CFTR: variants seen among roughly 807,000 people sequenced by gnomAD.
CFTR encodes the protein cystic fibrosis transmembrane conductance regulator.
A neutral mutation model predicts 171.6 loss-of-function variants in CFTR; 181 were observed. The observed-to-expected ratio is 1.05, with a 90% confidence interval of 0.93 to 1.19. CFTR has a LOEUF of 1.19. CFTR is among the 50% of genes most tolerant of loss of function. CFTR has a pLI of 0.00. For synonymous variants in CFTR, 583 were observed against 608.0 expected (o/e 0.96, Z 0.60); for missense variants, 1,968 against 1,734.7 (o/e 1.13, Z -2.39).
At chr7:117,519,000 C>T (rs1298158184) in intron 3 of CFTR, among the ~76,000 whole-genome samples, 2 of 152,012 alleles carry the variant, frequency 1.3e-5, no homozygotes, top group African/African-American at 4.8e-5. Context: ...AATCCAGGGG[C>T]TTTTTCTTAT....
At chr7:117,615,225 T>C (rs374517777) in intron 21 of CFTR, among the ~76,000 whole-genome samples, 138 of 152,220 alleles carry the variant, frequency 9.1e-4, no homozygotes, top group Non-Finnish European at 1.8e-3. Flanking sequence ...TGATTACTCA[T>C]TTGTCACCTA....
rs1042180 is a variant in CFTR, at chr7:117,668,359, C to T, written c.*1251C>T. On this transcript the variant is annotated 3_prime_UTR_variant, in exon 27 of 27. Coordinates refer to ENST00000003084, the MANE Select transcript of CFTR (RefSeq NM_000492.4). ...TTGACTTTTTATGGCACTAGTATTTCTATGAAATATTATGTTAAAACTGGG... is the reference window on the plus strand; with the variant it reads ...TTGACTTTTTATGGCACTAGTATTTTTATGAAATATTATGTTAAAACTGGG... 35,334 of 151,942 alleles carry T rather than the reference C, an allele frequency of 0.23. 4,425 individuals are homozygous for T. Among genetic ancestry groups the T allele is most frequent in the African/African-American group, 0.25 (10,397 of 41,414 alleles). 9.4% of individuals were successfully genotyped at this position (151,942 alleles called of 1,614,324 possible). A position where few individuals can be genotyped will look rare whatever the true frequency, so the allele number is the denominator to read the frequency against.
intron 20 of CFTR, among the ~76,000 whole-genome samples, chr7:117,612,733 T>C (rs1241480446): frequency 6.6e-6 from 1 of 152,136 alleles, no homozygotes; most frequent in Non-Finnish European, 1.5e-5. Context: ...GCCATTCGAC[T>C]CTTAAAGAAG....
At chr7:117,610,409 A>G (rs1439552052) in intron 18 of CFTR, 110 bp from the exon 19 acceptor site, 14 of 885,610 alleles carry the variant, frequency 1.6e-5, no homozygotes, top group Non-Finnish European at 2.5e-5. Context: ...AAAAAGTTTG[A>G]GGTGTTTAAA....
intron 14 of CFTR, among the ~76,000 whole-genome samples, chr7:117,594,562 T>C (rs1476013297): frequency 2.0e-5 from 3 of 152,140 alleles, no homozygotes; most frequent in African/African-American, 7.2e-5. Flanking sequence ...AAGAAACAGG[T>C]TAAATCAAAG....
At chr7:117,499,794 AAAAC>A (rs570336530) in intron 1 of CFTR, among the ~76,000 whole-genome samples, 309 of 152,092 alleles carry the variant, frequency 2.0e-3, no homozygotes, top group Non-Finnish European at 3.5e-3. Flanking sequence ...TATCTCTACA[AAAAC>A]AAACAAACAA....
rs143418331 is a variant in CFTR, at chr7:117,591,873, C to T, written c.1767-61C>T. The T allele has an allele frequency of 8.6e-4, 904 of 1,050,644 alleles. 2 individuals are homozygous for T. The highest frequency in any genetic ancestry group is 1.0e-3 in the Non-Finnish European group (721 of 720,032). The allele number at this position is 1,050,644 out of a possible 1,614,324, so 65.1% of individuals were successfully genotyped here. On this transcript the variant is annotated intron_variant, in intron 13 of 26. Transcript: ENST00000003084. ...AAAACATTAACAAAATGCTAAAATA[C>T]GAGACATATTGCAATAAAGTATTTA...
chr7:117,548,514 G>A (rs192565759), intron 9 of CFTR, 127 bp from the exon 10 acceptor site: 30 of 1,512,582 alleles, frequency 2.0e-5, no homozygotes, highest in Non-Finnish European at 2.4e-5. Context: ...TGTATACAGT[G>A]TAATGGATCA....
chr7:117,481,803 G>A (rs964943146), intron 1 of CFTR, among the ~76,000 whole-genome samples: 3 of 152,184 alleles, frequency 2.0e-5, no homozygotes, highest in African/African-American at 7.2e-5. Flanking sequence ...CATATTTTCT[G>A]CATTAAGTTA....
Position 117,603,728 on chromosome 7 carries a change from A to G in CFTR, c.2854A>G (p.Met952Val). ...AGTGTCGAAAATTTTACACCACAAAATGTTACATTCTGTTCTTCAAGCACC... is the reference window on the plus strand; with the variant it reads ...AGTGTCGAAAATTTTACACCACAAAGTGTTACATTCTGTTCTTCAAGCACC... ...ITVSKILHHK[M>V]LHSVLQAPMS... Residue 952 changes from methionine (M) to valine (V), a missense_variant, in exon 17 of 27, where the codon ATG (methionine) becomes GTG (valine). Coordinates refer to ENST00000003084, the MANE Select transcript of CFTR (RefSeq NM_000492.4). The G allele has an allele frequency of 6.2e-7, 1 of 1,614,028 alleles. No homozygotes were observed.
chr7:117,537,205 C>T (rs1434603304), intron 7 of CFTR, among the ~76,000 whole-genome samples: 2 of 152,150 alleles, frequency 1.3e-5, no homozygotes, highest in African/African-American at 4.8e-5. Flanking sequence ...GAAGTCAGTT[C>T]AAGTAATGAA....
rs1324553623 is a variant in CFTR, at chr7:117,667,470, C to T, written c.*362C>T. ...GATCAGCTTATTGTCTAGTGAAACT[C>T]GTTAATTTGTAGTGTTGGAGAAGAA... On this transcript the variant is annotated 3_prime_UTR_variant, in exon 27 of 27. Transcript: ENST00000003084. The T allele has an allele frequency of 1.2e-5, 4 of 340,300 alleles. No individual in the cohort carries two copies. The highest frequency in any genetic ancestry group is 7.5e-5 in the East Asian group (1 of 13,310). The allele number at this position is 340,300 out of a possible 1,614,324, so 21.1% of individuals were successfully genotyped here.
chr7:117,604,161 A>G, intron 17 of CFTR, among the ~76,000 whole-genome samples: 1 of 150,708 alleles, frequency 6.6e-6, no homozygotes, highest in Admixed American at 6.6e-5. Context: ...ATCAAGGAAA[A>G]TATATTTTTT....
At chr7:117,540,471 T>C (rs567237848) in intron 8 of CFTR, 125 bp downstream of exon 8, 2 of 867,404 alleles carry the variant, frequency 2.3e-6, no homozygotes, top group Admixed American at 5.1e-5. Context: ...TAGGAAGTTA[T>C]AAAAGTTGCC....
At chr7:117,548,604 T>C in intron 9 of CFTR, 37 bp from the exon 10 acceptor site, 1 of 1,549,758 alleles carries the variant, frequency 6.5e-7, no homozygotes, top group South Asian at 1.2e-5. Flanking sequence ...CTTTTATTTT[T>C]GATGTGTGTG....
At chr7:117,491,733 C>T (rs1223076184) in intron 1 of CFTR, among the ~76,000 whole-genome samples, 1 of 151,980 alleles carries the variant, frequency 6.6e-6, no homozygotes, top group African/African-American at 2.4e-5. Flanking sequence ...ACTTTAGTGA[C>T]CTCATTGGAA....
chr7:117,612,623 C>T (rs1036396921), intron 20 of CFTR, among the ~76,000 whole-genome samples: 3 of 152,050 alleles, frequency 2.0e-5, no homozygotes, highest in Admixed American at 1.3e-4. Flanking sequence ...AATGCCAAAT[C>T]TGTAGGATCA....
chr7:117,554,060 G>A (rs906535462), intron 10 of CFTR, among the ~76,000 whole-genome samples: 3 of 152,152 alleles, frequency 2.0e-5, no homozygotes, highest in South Asian at 4.1e-4. Context: ...TAAAGTGCTC[G>A]TAAAGACTAA....
At chr7:117,554,231 G>T (rs1330449088) in intron 10 of CFTR, among the ~76,000 whole-genome samples, 2 of 152,128 alleles carry the variant, frequency 1.3e-5, no homozygotes, top group Non-Finnish European at 2.9e-5. Flanking sequence ...AAGTGATGAT[G>T]GTGGCTTGAT....
Sources: allele counts gnomAD v4.1 joint callset (sites outside exome capture counted in the v4.1 genomes callset), GRCh38; gene constraint gnomAD v4.1.1; transcripts MANE v1.5; gene names NCBI Gene and HGNC (gene_info 2026-07-23, HGNC 2026-07-21).